FLNC: variants seen among roughly 807,000 people sequenced by gnomAD.
FLNC encodes filamin-C.
A neutral mutation model predicts 254.3 loss-of-function variants in FLNC; 91 were observed. That is an observed-to-expected ratio of 0.36 (90% CI 0.30 to 0.43). FLNC has a LOEUF of 0.43. FLNC is among the 20% of genes least tolerant of loss of function. The pLI, the probability that FLNC is intolerant of heterozygous loss-of-function variation, is 1.00. For missense variants in FLNC, 2,853 were observed against 3,802.6 expected (o/e 0.75, Z 6.57); for synonymous variants, 1,430 against 1,577.2 (o/e 0.91, Z 2.21).
At position 128,846,132 on chromosome 7, in the gene FLNC, C is replaced by G. The variant is rs760551537; in HGVS notation, c.3933C>G (p.Thr1311=). 1 of 1,614,002 alleles carries G rather than the reference C, an allele frequency of 6.2e-7. No individual in the cohort carries two copies. Among genetic ancestry groups the G allele is most frequent in the South Asian group, 1.1e-5 (1 of 91,078 alleles). The change falls in exon 22 of 48, where the codon ACC becomes ACG. Residue 1311 remains threonine (T), a synonymous_variant. Coordinates refer to ENST00000325888, the MANE Select transcript of FLNC (RefSeq NM_001458.5). ...ATGTGACAGACAATGGGGACGGCAC[C>G]TACCGAGTGCAGTACACCGCCTACG... ...DTYVTDNGDG[T]YRVQYTAYEE...
chr7:128,833,299 C>G (rs906647742), intron 1 of FLNC, among the ~76,000 whole-genome samples: 11 of 152,238 alleles, frequency 7.2e-5, no homozygotes, highest in African/African-American at 2.7e-4. Context: ...CTAGGCCCAG[C>G]CCTCTCCTCC....
At chr7:128,845,954 C>T (rs762317376) in intron 21 of FLNC, 36 bp from the exon 22 acceptor site, 5 of 1,608,098 alleles carry the variant, frequency 3.1e-6, no homozygotes, top group East Asian at 4.5e-5. Flanking sequence ...GAAGGCTGCC[C>T]CCACCCCTGC....
chr7:128,852,760 T>C lies in FLNC; in HGVS notation c.6004+8T>C. On this transcript the variant is annotated splice_region_variant and intron_variant, in intron 36 of 47. Coordinates refer to ENST00000325888, the MANE Select transcript of FLNC (RefSeq NM_001458.5). ...TGCCCAACCGGCACATTGGTGAGCG[T>C]GGGGCCTCACGGGGACCTCAGGGGT... The C allele has an allele frequency of 6.2e-7, 1 of 1,613,226 alleles. No individual in the cohort carries two copies. The highest frequency in any genetic ancestry group is 1.1e-5 in the South Asian group (1 of 91,076).
intron 40 of FLNC, 64 bp from the exon 41 acceptor site, chr7:128,854,349 G>A (rs1347494758): frequency 6.3e-7 from 1 of 1,595,698 alleles, no homozygotes; most frequent in African/African-American, 1.3e-5. Flanking sequence ...TAACTGATGG[G>A]GGAGGGAAGG....
At chr7:128,855,105 C>A in intron 42 of FLNC, 94 bp from the exon 43 acceptor site, 1 of 1,098,952 alleles carries the variant, frequency 9.1e-7, no homozygotes, top group Non-Finnish European at 1.4e-6. Flanking sequence ...GAGCGCTGAC[C>A]ACAGAGCCTT....
chr7:128,839,773 C>T (rs1808251776), intron 8 of FLNC, among the ~76,000 whole-genome samples: 2 of 152,264 alleles, frequency 1.3e-5, no homozygotes, highest in Non-Finnish European at 2.9e-5. Flanking sequence ...CCACTCTCAG[C>T]CCAGGCTCTG....
At chr7:128,834,883 G>A (rs533881487) in intron 1 of FLNC, among the ~76,000 whole-genome samples, 2 of 152,256 alleles carry the variant, frequency 1.3e-5, no homozygotes, top group South Asian at 2.1e-4. Flanking sequence ...CTCCATCTGT[G>A]GTGACGGCTT....
Position 128,859,016 on chromosome 7 carries a change from A to C in FLNC, c.*493A>C. 1 of 177,532 alleles carries C rather than the reference A, an allele frequency of 5.6e-6. No individual in the cohort carries two copies. The highest frequency in any genetic ancestry group is 1.2e-5 in the Non-Finnish European group (1 of 82,140). The allele number at this position is 177,532 out of a possible 1,614,324, so 11.0% of individuals were successfully genotyped here. Reference sequence around the variant, plus strand: ...AAGGAAAGCACAATCAGAGAAGAAAACAGCCCCCGAACCAGCAGGAGTGGC... The same window carrying C: ...AAGGAAAGCACAATCAGAGAAGAAACCAGCCCCCGAACCAGCAGGAGTGGC... On this transcript the variant is annotated 3_prime_UTR_variant, in exon 48 of 48. Transcript: ENST00000325888.
rs1033115244 is a variant in FLNC at position 128,842,488 on chromosome 7, G to C, written c.2266-87G>C. 7 of 1,574,334 alleles carry C rather than the reference G, an allele frequency of 4.4e-6. No homozygotes were observed. Among genetic ancestry groups the C allele is most frequent in the Non-Finnish European group, 5.2e-6 (6 of 1,159,880 alleles). On this transcript the variant is annotated intron_variant, in intron 14 of 47. Coordinates refer to ENST00000325888, the MANE Select transcript of FLNC (RefSeq NM_001458.5). This position sits in a 1 kb window ranked among gnomAD's most constrained non-coding sequence, Gnocchi z 5.4. ...TCAGGCTGGGACTGAGGCTTGGGCTGGTGCCACTGAGGCTGGGCCGGGTGC... is the reference window on the plus strand; with the variant it reads ...TCAGGCTGGGACTGAGGCTTGGGCTCGTGCCACTGAGGCTGGGCCGGGTGC...
chr7:128,858,811 C>T lies in FLNC; in HGVS notation c.*288C>T. 4.0e-6 allele frequency: 2 copies of T among 503,184 alleles called. No individual in the cohort carries two copies. The highest frequency in any genetic ancestry group is 7.3e-6 in the Non-Finnish European group (2 of 275,784). The allele number at this position is 503,184 out of a possible 1,614,324, so 31.2% of individuals were successfully genotyped here. A position where few individuals can be genotyped will look rare whatever the true frequency, so the allele number is the denominator to read the frequency against. ...CTGGGACACAAGGGGCTGGCGAGGG[C>T]TGCGAGGCCAGGGAAGCCCTGAGTT... On this transcript the variant is annotated 3_prime_UTR_variant, in exon 48 of 48. Transcript: ENST00000325888. The surrounding 1 kb of genome is among the most constrained non-coding windows in gnomAD (Gnocchi z 6.7).
chr7:128,850,588 G>C, intron 32 of FLNC, 105 bp downstream of exon 32: 3 of 1,205,980 alleles, frequency 2.5e-6, no homozygotes, highest in East Asian at 2.4e-5. Context: ...GAGAGGAAGT[G>C]AGCTCTACCC....
intron 9 of FLNC, 88 bp from the exon 10 acceptor site, chr7:128,840,460 G>T (rs1054498085): frequency 1.3e-6 from 2 of 1,591,906 alleles, no homozygotes; most frequent in Non-Finnish European, 1.7e-6. Context: ...CTGGGTCGGG[G>T]TCCCAATGGC....
rs545621323 is a variant in FLNC at position 128,850,095 on chromosome 7, C to G, written c.5298+21C>G. ...ACTGGGTACTGCGCCTCCCACCAGGCGATGTCCTCCTCCTCCTCCCCTTCC... is the reference window on the plus strand; with the variant it reads ...ACTGGGTACTGCGCCTCCCACCAGGGGATGTCCTCCTCCTCCTCCCCTTCC... On this transcript the variant is annotated intron_variant, in intron 31 of 47. Transcript: ENST00000325888. The G allele has an allele frequency of 3.2e-5, 48 of 1,479,630 alleles. No individual in the cohort carries two copies. In the East Asian group the frequency reaches 4.9e-4, roughly 15 times the overall value. The allele number at this position is 1,479,630 out of a possible 1,614,324, so 91.7% of individuals were successfully genotyped here.
In FLNC at chr7:128,843,802, A is replaced by G; in HGVS notation, c.2818A>G (p.Met940Val). Residue 940 changes from methionine (M) to valine (V), a missense_variant, in exon 19 of 48, where the codon ATG (methionine) becomes GTG (valine). Transcript: ENST00000325888. ...CTACCATTGTACCCAACAGGGCAACATGGCAGTGACAGTGACTTATGGCGG... is the reference window on the plus strand; with the variant it reads ...CTACCATTGTACCCAACAGGGCAACGTGGCAGTGACAGTGACTTATGGCGG... ...VKYTAVQQGN[M>V]AVTVTYGGDP... The G allele has an allele frequency of 6.2e-7, 1 of 1,613,994 alleles. No homozygotes were observed. Among genetic ancestry groups the G allele is most frequent in the Non-Finnish European group, 8.5e-7 (1 of 1,179,908 alleles).
At position 128,830,414 on chromosome 7, in the gene FLNC, C is replaced by T; in HGVS notation, c.-224C>T. 3.5e-6 allele frequency: 2 copies of T among 573,844 alleles called. No individual in the cohort carries two copies. The highest frequency in any genetic ancestry group is 3.1e-6 in the Non-Finnish European group (1 of 327,836). The allele number at this position is 573,844 out of a possible 1,614,324, so 35.5% of individuals were successfully genotyped here. A position where few individuals can be genotyped will look rare whatever the true frequency, so the allele number is the denominator to read the frequency against. On this transcript the variant is annotated 5_prime_UTR_variant, in exon 1 of 48. Transcript: ENST00000325888. ...CCGCCCCGGCCCAGCCCGCCCTTCCCGAGCACCGCTCCGGCCCTGGAGGGA... is the reference window on the plus strand; with the variant it reads ...CCGCCCCGGCCCAGCCCGCCCTTCCTGAGCACCGCTCCGGCCCTGGAGGGA...
chr7:128,846,249 G>T, intron 22 of FLNC, 52 bp from the exon 23 acceptor site: 1 of 1,601,582 alleles, frequency 6.2e-7, no homozygotes. Context: ...GGGGCAGGAG[G>T]GGTGGTGGGG....
At position 128,849,507 on chromosome 7, in the gene FLNC, G is replaced by A. The variant is rs200077114; in HGVS notation, c.5128G>A (p.Glu1710Lys). The A allele has an allele frequency of 1.2e-4, 197 of 1,614,204 alleles. No homozygotes were observed. Among genetic ancestry groups the A allele is most frequent in the Non-Finnish European group, 1.6e-4 (184 of 1,180,030 alleles). The change falls in exon 30 of 48, where the codon GAG becomes AAG. Residue 1710 changes from glutamate (E) to lysine (K), a missense_variant. By Grantham distance (56) the Glu-to-Lys change is moderately conservative. Coordinates refer to ENST00000325888, the MANE Select transcript of FLNC (RefSeq NM_001458.5). ...CTTTGACATCTACTACACAGCGCCC[G>A]AGCCGGGCAAGTACGTCATCACCAT... ...GTFDIYYTAP[E>K]PGKYVITIRF...
At chr7:128,834,856 A>G (rs757175213) in intron 1 of FLNC, among the ~76,000 whole-genome samples, 1 of 151,938 alleles carries the variant, frequency 6.6e-6, no homozygotes, top group African/African-American at 2.4e-5. Context: ...GGAGTGATGG[A>G]TGGTACCTTC....
At position 128,830,820 on chromosome 7, in the gene FLNC, G is replaced by C. The variant is rs1807856193; in HGVS notation, c.183G>C (p.Gln61His). 6.2e-7 allele frequency: 1 copy of C among 1,613,110 alleles called. No individual in the cohort carries two copies. The change falls in exon 1 of 48, where the codon CAG (glutamine) becomes CAC (histidine). Residue 61 changes from glutamine to histidine, a missense_variant. By Grantham distance (24) the Gln-to-His change is conservative. Transcript: ENST00000325888. ...KCVGKRLTDL[Q>H]RDLSDGLRLI... The stretch of plus-strand genomic sequence containing the variant: ...TGGGCAAGCGCCTGACCGACCTGCA[G>C]CGCGACCTCAGCGACGGGCTCCGGC...
Sources: gnomAD v4.1 joint callset for allele counts (sites outside exome capture counted in the v4.1 genomes callset) on GRCh38, gnomAD v4.1.1 for gene constraint, Gnocchi (gnomAD v3.1) non-coding constraint, MANE v1.5 for transcripts, NCBI Gene and HGNC (gene_info 2026-07-23, HGNC 2026-07-21) for gene names.